MYH3: variants seen among roughly 807,000 people sequenced by gnomAD.
MYH3 encodes myosin heavy chain 3.
In MYH3, 130 loss-of-function variants were observed where a neutral mutation model predicts 238.0. The observed-to-expected ratio is 0.55, with a 90% CI of 0.47 to 0.63. The LOEUF (loss-of-function observed/expected upper bound fraction) is 0.63, where lower values mean the gene tolerates loss of function less well. MYH3 is among the 30% of genes least tolerant of loss of function. The probability of loss-of-function intolerance (pLI) is 0.00; values close to 1 mark genes in which losing one functional copy is unlikely to be tolerated. For synonymous variants in MYH3, 880 were observed against 924.1 expected, an observed-to-expected ratio of 0.95 and a Z score of 0.86; for missense variants, 1,853 against 2,374.9, an observed-to-expected ratio of 0.78 and a Z score of 4.57.
the MYH3 span, chr17:10,674,669 G>A: frequency 2.0e-5 from 3 of 152,532 alleles, no homozygotes; most frequent in Non-Finnish European, 4.4e-5. Context: ...TGTGTGACAC[G>A]TCTGACATTG....
rs1164572282 is a variant in MYH3, at chr17:10,639,445, C to A, written c.2955G>T (p.Gly985=). The part of the protein sequence containing the change: ...KVKNLTEELS[G]LDETIAKLTR... ...TTAACTTTGCAATTGTTTCATCTAA[C>A]CCAGAGAGTTCCTCAGTAAGGTTTT... is the stretch of plus-strand genomic sequence containing the variant. Residue 985 remains glycine, a synonymous_variant, in exon 24 of 41, where the codon GGG becomes GGT. Transcript: ENST00000583535. The A allele has an allele frequency of 1.2e-6, 2 of 1,614,090 alleles. No individual in the cohort carries two copies. Among genetic ancestry groups the A allele is most frequent in the Non-Finnish European group, 1.7e-6 (2 of 1,180,002 alleles).
chr17:10,633,766 C>T (rs761672631), intron 32 of MYH3, 51 bp from the exon 33 acceptor site: 4 of 1,609,906 alleles, frequency 2.5e-6, no homozygotes, highest in African/African-American at 2.7e-5. Flanking sequence ...CGTGGGTTTC[C>T]AGACATGCAA....
rs567759367 is a variant in MYH3, at chr17:10,634,181, A to G, written c.4358T>C (p.Val1453Ala). The G allele has an allele frequency of 1.1e-4, 175 of 1,614,136 alleles. 2 individuals carry two copies. The South Asian group carries it at 1.7e-3, about 16-fold the overall frequency. The change falls in exon 32 of 41, where the codon GTG (valine) becomes GCG (alanine). Residue 1453 changes from valine to alanine, a missense_variant and splice_region_variant. Coordinates refer to ENST00000583535, the MANE Select transcript of MYH3 (RefSeq NM_002470.4). ...LDKKQRNFDK[V>A]LAEWKTKCEE... ...ACACTTTGTCTTCCACTCTGCCAAC[A>G]CCTGAAACACCGGACGGAAGTTCTC...
chr17:10,656,222 A>G (rs1372011505), intron 1 of MYH3, 74 bp from the exon 2 acceptor site: 1 of 152,122 alleles, frequency 6.6e-6, no homozygotes, highest in Non-Finnish European at 1.5e-5. Flanking sequence ...GCTTCTGACG[A>G]GTTAACTAAA....
chr17:10,650,232 T>C, intron 6 of MYH3, 142 bp downstream of exon 6: 9 of 751,588 alleles, frequency 1.2e-5, no homozygotes. Context: ...CATCTCAGCC[T>C]ACCAAAGTGC....
chr17:10,648,189 G>A (rs111924150), intron 8 of MYH3, among the ~76,000 whole-genome samples: 19 of 151,992 alleles, frequency 1.3e-4, no homozygotes, highest in African/African-American at 4.6e-4. Context: ...CAGACCCTCT[G>A]TAGGTGCCCT....
At chr17:10,632,344 C>T in intron 34 of MYH3, 132 bp downstream of exon 34, 1 of 1,087,748 alleles carries the variant, frequency 9.2e-7, no homozygotes. Context: ...GTATCAAACT[C>T]CTGGGCTCAA....
At position 10,639,527 on chromosome 17, in the gene MYH3, A is replaced by G; in HGVS notation, c.2925+33T>C. The G allele has an allele frequency of 6.8e-6, 11 of 1,614,124 alleles. 1 individual carries two copies. In the East Asian group the frequency reaches 2.2e-4, roughly 33 times the overall value. On this transcript the variant is annotated intron_variant, in intron 23 of 40. Coordinates refer to ENST00000583535, the MANE Select transcript of MYH3 (RefSeq NM_002470.4). ...GCTTAAAGTTTAGTTTGCAATGACT[A>G]TATCAAGCTAGACACACCTACAATA...
At chr17:10,667,840 T>C in the MYH3 span, among the ~76,000 whole-genome samples, 1 of 152,162 alleles carries the variant, frequency 6.6e-6, no homozygotes, top group African/African-American at 2.4e-5. Flanking sequence ...TGAAAATGAT[T>C]ACTTATAGAG....
At chr17:10,629,473 A>C (rs1776121417) in intron 40 of MYH3, 124 bp downstream of exon 40, 5 of 1,304,698 alleles carry the variant, frequency 3.8e-6, no homozygotes, top group Non-Finnish European at 5.3e-6. Context: ...AAGTGACTTT[A>C]AGCACTTTCT....
chr17:10,658,154 G>T (rs571024951), upstream of MYH3, among the ~76,000 whole-genome samples: 1 of 152,100 alleles, frequency 6.6e-6, no homozygotes, highest in Non-Finnish European at 1.5e-5. Context: ...GACAAGGGGG[G>T]GCTGTCTAAC....
the MYH3 span, among the ~76,000 whole-genome samples, chr17:10,667,798 A>T: frequency 1.3e-5 from 2 of 152,198 alleles, no homozygotes; most frequent in African/African-American, 4.8e-5. Flanking sequence ...AGACAAGAAC[A>T]TCTAACATAG....
Position 10,638,060 on chromosome 17 carries a change from T to C in MYH3, c.3712A>G (p.Ser1238Gly). ...CGCAGCACCTTAGATTTCGACACAC[T>C]CTCCATGCTGCTGGAGAGGTCATCG... is the stretch of plus-strand genomic sequence containing the variant. ...EIDDLSSSMESVSKSKANLEK... is the reference protein window; with the variant it reads ...EIDDLSSSMEGVSKSKANLEK... The change falls in exon 27 of 41, where the codon AGT (serine) becomes GGT (glycine). Residue 1238 changes from serine to glycine, a missense_variant. Around this residue, in one of 3 missense-constraint regions of MYH3, gnomAD observed 1,044 missense variants for 1,192.6 expected, o/e 0.88. Coordinates refer to ENST00000583535, the MANE Select transcript of MYH3 (RefSeq NM_002470.4). The C allele has an allele frequency of 6.2e-7, 1 of 1,608,804 alleles. No individual in the cohort carries two copies. The highest frequency in any genetic ancestry group is 2.2e-5 in the East Asian group (1 of 44,746).
intron 6 of MYH3, 94 bp downstream of exon 6, chr17:10,650,280 C>G (rs1799762805): frequency 7.3e-7 from 1 of 1,368,236 alleles, no homozygotes; most frequent in African/African-American, 1.4e-5. Context: ...CCAGCCTGAT[C>G]TTTTTATTAT....
chr17:10,660,670 C>CCTTATTT (rs1262164567), upstream of MYH3, among the ~76,000 whole-genome samples: 1 of 106,052 alleles, frequency 9.4e-6, no homozygotes. Context: ...GAGTGAGACT[C>CCTTATTT]TGACTCGGAA....
chr17:10,652,190 C>T (rs2074382611), intron 4 of MYH3: 1 of 612,932 alleles, frequency 1.6e-6, no homozygotes, highest in Non-Finnish European at 2.9e-6. Context: ...CCAAGCCTGG[C>T]CCCAGCTTCC....
At chr17:10,660,315 G>C (rs890132371), upstream of MYH3, among the ~76,000 whole-genome samples, 1 of 152,216 alleles carries the variant, frequency 6.6e-6, no homozygotes, top group South Asian at 2.1e-4. Context: ...TGAGAACCCT[G>C]AGTAAATTAC....
intron 33 of MYH3, 85 bp from the exon 34 acceptor site, chr17:10,632,869 G>A (rs2074179004): frequency 1.5e-6 from 2 of 1,335,228 alleles, no homozygotes; most frequent in Admixed American, 3.4e-5. Context: ...AAACTTCAAT[G>A]GAATAGTCCT....
In MYH3 at chr17:10,652,227, C is replaced by G. The variant is rs934971284; in HGVS notation, c.348+193G>C. On this transcript the variant is annotated intron_variant, in intron 4 of 40. Transcript: ENST00000583535. ...CGCTCTCCGGCTCCTGGTCCTCCTT[C>G]CCACCTTCCTTCTTCCTGCCCCATC... The G allele has an allele frequency of 5.5e-6, 4 of 728,194 alleles. No individual in the cohort carries two copies. In the African/African-American group the frequency reaches 6.9e-5, roughly 13 times the overall value. 45.1% of individuals were successfully genotyped at this position (728,194 alleles called of 1,614,324 possible).
Sources: allele counts gnomAD v4.1 joint callset (sites outside exome capture counted in the v4.1 genomes callset), GRCh38; gene constraint gnomAD v4.1.1; regional missense constraint gnomAD v4.1.1; transcripts MANE v1.5; gene names NCBI Gene and HGNC (gene_info 2026-07-23, HGNC 2026-07-21).